The following NHSL1 variants were observed in gnomAD, a reference collection of about 807,000 sequenced individuals.
NHSL1 encodes NHS like 1.
A neutral mutation model predicts 95.0 loss-of-function variants in NHSL1; 48 were observed. That is an observed-to-expected ratio of 0.51 (90% CI 0.40 to 0.64). The LOEUF is 0.64. NHSL1 is among the 30% of genes least tolerant of loss of function. The probability of loss-of-function intolerance (pLI) is 0.00; values close to 1 mark genes in which losing one functional copy is unlikely to be tolerated. For synonymous variants in NHSL1, 783 were observed against 833.9 expected (o/e 0.94, Z 1.05); for missense variants, 1,971 against 2,077.7 (o/e 0.95, Z 1.00).
intron 1 of NHSL1, among the ~76,000 whole-genome samples, chr6:138,628,311 CAA>C (rs929458331): frequency 2.3e-4 from 26 of 111,450 alleles, no homozygotes; most frequent in African/African-American, 6.0e-4. Context: ...AACTCCATCT[CAA>C]AAAAAAAAAA....
At chr6:138,591,415 TTTTTC>T (rs1205063640) in intron 1 of NHSL1, among the ~76,000 whole-genome samples, 1 of 152,218 alleles carries the variant, frequency 6.6e-6, no homozygotes, top group Admixed American at 6.5e-5. Context: ...GTTTTCTCTT[TTTTTC>T]TTTTATTATT....
chr6:138,492,427 G>A (rs76656866), intron 2 of NHSL1, among the ~76,000 whole-genome samples: 1,771 of 152,278 alleles, frequency 0.012, 21 homozygotes, highest in African/African-American at 0.031. Flanking sequence ...AGCAGGCCTG[G>A]CTCTTTAAAA....
chr6:138,444,729 A>G (rs1776752467), intron 4 of NHSL1, among the ~76,000 whole-genome samples: 1 of 152,152 alleles, frequency 6.6e-6, no homozygotes, highest in Non-Finnish European at 1.5e-5. Flanking sequence ...TACATAATTT[A>G]AAGAGCAGGA....
chr6:138,455,163 C>G (rs1777499890), intron 3 of NHSL1, among the ~76,000 whole-genome samples: 1 of 152,230 alleles, frequency 6.6e-6, no homozygotes, highest in Non-Finnish European at 1.5e-5. Context: ...AGCATTGACT[C>G]ATTTGTGTTT....
In NHSL1 at chr6:138,473,353, G is replaced by A. The variant is rs201780864; in HGVS notation, c.292C>T (p.Pro98Ser). The A allele has an allele frequency of 3.0e-3, 4,658 of 1,548,160 alleles. 13 individuals are homozygous for A. Among genetic ancestry groups the A allele is most frequent in the Middle Eastern group, 9.5e-3 (56 of 5,864 alleles). ...QGPTFAANAS[P>S]FCDDYQDEDE... is the part of the protein sequence containing the mutation. Reference sequence around the variant, plus strand: ...TCATCTTGGTAATCATCACAGAATGGGCTGGCGTTGGCCGCAAAGGTGGGT... The same window carrying A: ...TCATCTTGGTAATCATCACAGAATGAGCTGGCGTTGGCCGCAAAGGTGGGT... The change falls in exon 3 of 8, where the codon CCA becomes TCA. Residue 98 changes from proline to serine, a missense_variant. Transcript: ENST00000343505.
intron 1 of NHSL1, among the ~76,000 whole-genome samples, chr6:138,630,171 A>G (rs1784799174): frequency 6.6e-6 from 1 of 152,028 alleles, no homozygotes; most frequent in Admixed American, 6.6e-5. Flanking sequence ...GCCATGCTGC[A>G]GCTCCAGCCT....
At position 138,433,078 on chromosome 6, in the gene NHSL1, C is replaced by G. The variant is rs764689621; in HGVS notation, c.1267G>C (p.Glu423Gln). The G allele has an allele frequency of 6.4e-7, 1 of 1,551,032 alleles. No homozygotes were observed. The highest frequency in any genetic ancestry group is 1.4e-5 in the African/African-American group (1 of 73,010). Reference sequence around the variant, plus strand: ...TGAGCAGTGGGAATAGCGATGACCTCGGAAGAGGAAGACAGTGTGGCATTT... The same window carrying G: ...TGAGCAGTGGGAATAGCGATGACCTGGGAAGAGGAAGACAGTGTGGCATTT... ...IPNATLSSSS[E>Q]VIAIPTAQSA... The change falls in exon 6 of 8, where the codon GAG (glutamate) becomes CAG (glutamine). Residue 423 changes from glutamate to glutamine, a missense_variant. Transcript: ENST00000343505.
At chr6:138,453,389 C>A (rs73573228) in intron 3 of NHSL1, among the ~76,000 whole-genome samples, 2 of 151,942 alleles carry the variant, frequency 1.3e-5, no homozygotes, top group African/African-American at 4.8e-5. Flanking sequence ...AGGTCTTGCC[C>A]TCTTGCCCAG....
At chr6:138,655,856 C>T (rs948250801) in intron 1 of NHSL1, among the ~76,000 whole-genome samples, 1 of 152,100 alleles carries the variant, frequency 6.6e-6, no homozygotes, top group African/African-American at 2.4e-5. Context: ...AATACAACAC[C>T]AATTACTCTC....
rs1039217413 is a variant in NHSL1 at position 138,511,361 on chromosome 6, G to A, written c.17-14990C>T. ...AGTTTGTTTTTTACTAAAGAAAAAA[G>A]GTGAGGTAGACAAAAAACCACTGAG... On this transcript the variant is annotated intron_variant, in intron 1 of 4. Coordinates refer to the NHSL1 transcript ENST00000342260. 7.9e-5 allele frequency among the ~76,000 whole-genome samples: 12 copies of A among 152,078 alleles called. 1 individual carries two copies. The East Asian group carries it at 1.6e-3, about 20-fold the overall frequency.
At chr6:138,687,290 AAAGAAGAAG>A (rs968817332) in intron 1 of NHSL1, among the ~76,000 whole-genome samples, 1 of 151,976 alleles carries the variant, frequency 6.6e-6, no homozygotes, top group Non-Finnish European at 1.5e-5. Context: ...AAAAAAAAAA[AAAGAAGAAG>A]AAGACGAAGT....
At chr6:138,525,584 G>A (rs1240899176) in intron 1 of NHSL1, among the ~76,000 whole-genome samples, 1 of 149,794 alleles carries the variant, frequency 6.7e-6, no homozygotes, top group African/African-American at 2.5e-5. Flanking sequence ...AATAAAAAGG[G>A]AAAGATGCAG....
chr6:138,430,012 T>C lies in NHSL1; in HGVS notation c.3953-169A>G, dbSNP rs532847955. 3.3e-4 allele frequency among the ~76,000 whole-genome samples: 51 copies of C among 152,284 alleles called. No homozygotes were observed. The highest frequency in any genetic ancestry group is 1.2e-3 in the African/African-American group (50 of 41,558). ...TTACAAAGAAGGGAGGAAATGACAC[T>C]AGCCTGAGAGCCAGAGCTCATTCTT... On this transcript the variant is annotated intron_variant, in intron 6 of 7. Coordinates refer to ENST00000343505, the MANE Select transcript of NHSL1 (RefSeq NM_001144060.2). This position sits in a 1 kb window ranked among gnomAD's most constrained non-coding sequence, Gnocchi z 4.7.
chr6:138,532,268 A>C (rs1369980699), intron 1 of NHSL1, among the ~76,000 whole-genome samples: 1 of 152,230 alleles, frequency 6.6e-6, no homozygotes, highest in African/African-American at 2.4e-5. Flanking sequence ...TTCTGTCATG[A>C]AGGGCTCCTC....
At chr6:138,594,208 G>C (rs1388230665) in intron 1 of NHSL1, among the ~76,000 whole-genome samples, 1 of 152,124 alleles carries the variant, frequency 6.6e-6, no homozygotes, top group Non-Finnish European at 1.5e-5. Flanking sequence ...AACAGAGAAA[G>C]GGTTTGGCTA....
At chr6:138,645,232 A>C (rs910549529) in intron 1 of NHSL1, among the ~76,000 whole-genome samples, 1 of 152,202 alleles carries the variant, frequency 6.6e-6, no homozygotes, top group Admixed American at 6.5e-5. Context: ...ATCTGACAGC[A>C]ATGTGGACCA....
intron 1 of NHSL1, among the ~76,000 whole-genome samples, chr6:138,539,702 T>G (rs1309818726): frequency 6.6e-6 from 1 of 152,196 alleles, no homozygotes; most frequent in Non-Finnish European, 1.5e-5. Context: ...CTTTCAGTAA[T>G]TCAAGTCATT....
At chr6:138,586,010 CCACTG>C (rs1335107077) in intron 1 of NHSL1, among the ~76,000 whole-genome samples, 1 of 152,044 alleles carries the variant, frequency 6.6e-6, no homozygotes, top group African/African-American at 2.4e-5. Context: ...TGTGATTGTG[CCACTG>C]CACTCTAGCC....
upstream of NHSL1, chr6:138,499,514 C>A: frequency 9.6e-7 from 1 of 1,037,634 alleles, no homozygotes; most frequent in Non-Finnish European, 1.3e-6. Flanking sequence ...CTACTGAAAC[C>A]TAATCTTTAA....
Sources: allele counts gnomAD v4.1 joint callset (sites outside exome capture counted in the v4.1 genomes callset), GRCh38; gene constraint gnomAD v4.1.1; non-coding constraint Gnocchi (gnomAD v3.1); transcripts MANE v1.5; gene names NCBI Gene and HGNC (gene_info 2026-07-23, HGNC 2026-07-21).